The following ABLIM1 variants were observed in gnomAD, a reference collection of about 807,000 sequenced individuals.
ABLIM1 encodes the protein actin-binding LIM protein 1.
ABLIM1 carries 40 observed loss-of-function variants against 107.0 expected under a neutral mutation model. That is an observed-to-expected ratio of 0.37 (90% confidence interval 0.29 to 0.49). The LOEUF is 0.49. Ranked by LOEUF, ABLIM1 falls within the 20% of genes least tolerant of loss-of-function variation. ABLIM1 has a pLI of 0.97. For missense variants in ABLIM1, 857 were observed against 1,008.5 expected (o/e 0.85, Z 2.04); for synonymous variants, 357 against 357.3 (o/e 1.00, Z 0.01).
chr10:114,641,936 G>A (rs1020409925), intron 1 of ABLIM1, among the ~76,000 whole-genome samples: 1 of 151,406 alleles, frequency 6.6e-6, no homozygotes, highest in African/African-American at 2.5e-5. Flanking sequence ...AGGCCAGAGT[G>A]CAGTGGCATG....
intron 14 of ABLIM1, among the ~76,000 whole-genome samples, chr10:114,449,413 A>G (rs1430938569): frequency 6.6e-6 from 1 of 152,206 alleles, no homozygotes; most frequent in East Asian, 1.9e-4. Context: ...ATTTGCTTAA[A>G]TAACTCAACC....
intron 4 of ABLIM1, among the ~76,000 whole-genome samples, chr10:114,550,600 G>A (rs1295819713): frequency 6.6e-6 from 1 of 152,062 alleles, no homozygotes; most frequent in African/African-American, 2.4e-5. Flanking sequence ...GTTCAGTCTT[G>A]ATGTTGGACA....
At chr10:114,708,213 AC>A (rs1341552854) in intron 1 of ABLIM1, among the ~76,000 whole-genome samples, 5 of 152,224 alleles carry the variant, frequency 3.3e-5, no homozygotes, top group African/African-American at 1.2e-4. Context: ...AGCTTCTGGT[AC>A]ATTCTGAAAC....
At chr10:114,613,721 T>C in intron 1 of ABLIM1, 1 of 1,316,796 alleles carries the variant, frequency 7.6e-7, no homozygotes, top group Non-Finnish European at 1.0e-6. Flanking sequence ...GTTCACAGCA[T>C]CCAACTTGCA....
intron 6 of ABLIM1, among the ~76,000 whole-genome samples, chr10:114,512,105 C>T (rs944244702): frequency 2.0e-5 from 3 of 152,178 alleles, no homozygotes; most frequent in African/African-American, 7.2e-5. Context: ...GTGCTGAGCA[C>T]AAGATGACTC....
intron 22 of ABLIM1, among the ~76,000 whole-genome samples, chr10:114,436,956 T>G (rs2059500668): frequency 6.6e-6 from 1 of 152,272 alleles, no homozygotes; most frequent in East Asian, 1.9e-4. Flanking sequence ...CAGCCAGGGT[T>G]TTTCTTAATT....
chr10:114,759,473 T>C (rs1001511390), intron 1 of ABLIM1, among the ~76,000 whole-genome samples: 10 of 152,176 alleles, frequency 6.6e-5, no homozygotes, highest in Admixed American at 6.5e-4. Flanking sequence ...CCCAATAGAA[T>C]AAAATCATCA....
chr10:114,538,893 G>T (rs910800488), intron 6 of ABLIM1, among the ~76,000 whole-genome samples: 2 of 152,370 alleles, frequency 1.3e-5, no homozygotes, highest in Admixed American at 1.3e-4. Flanking sequence ...GAGAGGCCAA[G>T]AGAAAGTCAA....
chr10:114,583,460 CACACACACATATATATAT>C (rs2073790722), intron 2 of ABLIM1, among the ~76,000 whole-genome samples: 2 of 10,324 alleles, frequency 1.9e-4, no homozygotes, highest in African/African-American at 3.2e-4. Flanking sequence ...CACACACACA[CACACACACATATATATAT>C]ATATATATAT....
At chr10:114,617,554 CA>C (rs1374302061) in intron 1 of ABLIM1, among the ~76,000 whole-genome samples, 1 of 152,084 alleles carries the variant, frequency 6.6e-6, no homozygotes, top group East Asian at 1.9e-4. Context: ...AGGCATGAGC[CA>C]CTGTGCCCAG....
At chr10:114,537,870 C>T (rs915657039) in intron 6 of ABLIM1, among the ~76,000 whole-genome samples, 4 of 152,152 alleles carry the variant, frequency 2.6e-5, no homozygotes, top group South Asian at 2.1e-4. Flanking sequence ...AGCATGGACA[C>T]GGGTTATTAT....
intron 2 of ABLIM1, among the ~76,000 whole-genome samples, chr10:114,589,546 G>C (rs1344683010): frequency 6.6e-6 from 1 of 150,634 alleles, no homozygotes; most frequent in African/African-American, 2.4e-5. Flanking sequence ...AAAAAAGAGA[G>C]AGAGAGAGAG....
chr10:114,669,888 T>G (rs1413198), intron 1 of ABLIM1, among the ~76,000 whole-genome samples: 81,094 of 151,750 alleles, frequency 0.53, 21,761 homozygotes, highest in East Asian at 0.66. Flanking sequence ...ACAATTAATT[T>G]TTAAACTCAC....
intron 2 of ABLIM1, among the ~76,000 whole-genome samples, chr10:114,594,282 A>G (rs2075198006): frequency 6.6e-6 from 1 of 152,238 alleles, no homozygotes. Flanking sequence ...GCCTGAGCAT[A>G]TGTTTCCTTA....
At chr10:114,701,168 A>AT (rs2081300967) in intron 1 of ABLIM1, among the ~76,000 whole-genome samples, 3 of 152,194 alleles carry the variant, frequency 2.0e-5, no homozygotes, top group Non-Finnish European at 4.4e-5. Context: ...TATGCAAATG[A>AT]CCATTATCCA....
At chr10:114,562,017 C>A (rs2069783298) in intron 4 of ABLIM1, among the ~76,000 whole-genome samples, 1 of 152,164 alleles carries the variant, frequency 6.6e-6, no homozygotes, top group African/African-American at 2.4e-5. Context: ...TTGCACTATA[C>A]CTTGTCTCTG....
intron 2 of ABLIM1, among the ~76,000 whole-genome samples, chr10:114,589,217 G>GTGTT (rs1555191683): frequency 7.3e-6 from 1 of 136,172 alleles, no homozygotes; most frequent in African/African-American, 2.7e-5. Context: ...GTGTGTGTGT[G>GTGTT]TTTTTTTTTT....
chr10:114,591,314 T>C (rs1413193), intron 2 of ABLIM1, among the ~76,000 whole-genome samples: 106,175 of 152,038 alleles, frequency 0.7, 37,563 homozygotes, highest in Middle Eastern at 0.78. Flanking sequence ...TCTACCTATT[T>C]TATTTCCTTA....
rs775186720 is a variant in ABLIM1, at chr10:114,684,181, T to A, written c.64+109A>T. ...ACAATCTTTTACTTATTATCATAAG[T>A]GTAAAACAATTTTATCAAATGGAAA... On this transcript the variant is annotated intron_variant, in intron 1 of 23. Transcript: ENST00000369256. 1,019 of 1,115,402 alleles carry A rather than the reference T, an allele frequency of 9.1e-4. 5 individuals are homozygous for A. The highest frequency in any genetic ancestry group is 1.1e-3 in the Non-Finnish European group (882 of 792,638). The allele number at this position is 1,115,402 out of a possible 1,614,324, so 69.1% of individuals were successfully genotyped here.
Sources: gnomAD v4.1 joint callset for allele counts (sites outside exome capture counted in the v4.1 genomes callset) on GRCh38, gnomAD v4.1.1 for gene constraint, MANE v1.5 for transcripts, NCBI Gene and HGNC (gene_info 2026-07-23, HGNC 2026-07-21) for gene names.